Variants in SH3RF2 observed in about 807,000 individuals in gnomAD.
SH3RF2 encodes E3 ubiquitin-protein ligase SH3RF2.
A neutral mutation model predicts 59.0 loss-of-function variants in SH3RF2; 43 were observed. The ratio of observed to expected loss-of-function variants is 0.73; its 90% CI spans 0.57 to 0.94. The LOEUF (loss-of-function observed/expected upper bound fraction) is 0.94, where lower values mean the gene tolerates loss of function less well. Ranked by LOEUF, SH3RF2 falls within the 40% of genes least tolerant of loss-of-function variation. The pLI is 0.00. For missense variants in SH3RF2, 930 were observed against 940.1 expected (o/e 0.99, Z 0.14); for synonymous variants, 391 against 391.5 (o/e 1.00, Z 0.01).
intron 2 of SH3RF2, among the ~76,000 whole-genome samples, chr5:145,998,655 G>A (rs1397791120): frequency 2.0e-5 from 3 of 152,138 alleles, no homozygotes; most frequent in Non-Finnish European, 2.9e-5. Flanking sequence ...GGTGGCTCAC[G>A]CCTGTAATGC....
intron 2 of SH3RF2, among the ~76,000 whole-genome samples, chr5:145,961,316 T>C (rs1034935585): frequency 1.3e-5 from 2 of 152,050 alleles, no homozygotes; most frequent in Non-Finnish European, 2.9e-5. Flanking sequence ...GGTGACTAAT[T>C]AGAATTTTCT....
chr5:145,956,482 GC>G (rs1758411457), intron 2 of SH3RF2, among the ~76,000 whole-genome samples: 1 of 151,994 alleles, frequency 6.6e-6, no homozygotes, highest in African/African-American at 2.4e-5. Context: ...CACCATGTTG[GC>G]CAGGCTGGTC....
At position 145,998,840 on chromosome 5, in the gene SH3RF2, G is replaced by A. The variant is rs142060588; in HGVS notation, c.379-1218G>A. 6.8e-3 allele frequency among the ~76,000 whole-genome samples: 1,041 copies of A among 152,286 alleles called. 15 individuals are homozygous for A. Among genetic ancestry groups the A allele is most frequent in the African/African-American group, 0.024 (1,012 of 41,548 alleles). On this transcript the variant is annotated intron_variant, in intron 2 of 9. Coordinates refer to ENST00000359120, the MANE Select transcript of SH3RF2 (RefSeq NM_152550.4). ...GCAGGAGAATCACTTGAACCCGGGAGGTGGAGGTTGCAGTGAGCTGAGATC... is the reference window on the plus strand; with the variant it reads ...GCAGGAGAATCACTTGAACCCGGGAAGTGGAGGTTGCAGTGAGCTGAGATC...
At chr5:145,970,272 C>A (rs113997436) in intron 2 of SH3RF2, among the ~76,000 whole-genome samples, 1 of 151,932 alleles carries the variant, frequency 6.6e-6, no homozygotes, top group Non-Finnish European at 1.5e-5. Flanking sequence ...TTCACCTCCC[C>A]CTGCCACCCT....
In SH3RF2 at chr5:145,998,043, A is replaced by G. The variant is rs937825839; in HGVS notation, c.379-2015A>G. 2.5e-5 allele frequency: 15 copies of G among 610,246 alleles called. No homozygotes were observed. In the African/African-American group the frequency reaches 2.8e-4, roughly 11 times the overall value. 37.8% of individuals were successfully genotyped at this position (610,246 alleles called of 1,614,324 possible). A position where few individuals can be genotyped will look rare whatever the true frequency, so the allele number is the denominator to read the frequency against. ...ACTGCATAGAGAGACTACATAGAAA[A>G]CTACAAGATGTATGAAGTTGCAAAT... On this transcript the variant is annotated intron_variant, in intron 2 of 9. Transcript: ENST00000359120.
intron 2 of SH3RF2, among the ~76,000 whole-genome samples, chr5:145,965,195 A>C (rs1479065749): frequency 3.3e-5 from 5 of 152,064 alleles, no homozygotes; most frequent in Non-Finnish European, 7.4e-5. Context: ...TCTGTCTCAA[A>C]AAAAAATTAA....
At chr5:146,064,780 G>A (rs1447033431), downstream of SH3RF2, among the ~76,000 whole-genome samples, 564 of 21,362 alleles carry the variant, frequency 0.026, 62 homozygotes, top group African/African-American at 0.08. Context: ...GGAAGGAAAG[G>A]AAGGAAGGAA....
rs182113930 is a variant in SH3RF2 at position 145,954,065 on chromosome 5, A to G, written c.378+15759A>G. 5.4e-4 allele frequency among the ~76,000 whole-genome samples: 82 copies of G among 152,328 alleles called. No homozygotes were observed. In the East Asian group the frequency reaches 0.014, roughly 25 times the overall value. ...GTAGATGCTTTATATTTCTCTGGGT[A>G]TATACCCAGTAATGGGATTACTGAG... On this transcript the variant is annotated intron_variant, in intron 2 of 9. Transcript: ENST00000359120.
At chr5:146,030,747 G>T (rs771274503) in intron 5 of SH3RF2, among the ~76,000 whole-genome samples, 1 of 147,320 alleles carries the variant, frequency 6.8e-6, no homozygotes, top group Admixed American at 6.8e-5. Flanking sequence ...ATGTGATTTT[G>T]AATTTATTGG....
At chr5:146,074,680 G>T (rs1167821616) in intron 9 of SH3RF2, among the ~76,000 whole-genome samples, 1 of 152,106 alleles carries the variant, frequency 6.6e-6, no homozygotes, top group Non-Finnish European at 1.5e-5. Flanking sequence ...TATCATTAGG[G>T]TATAGTTATT....
At chr5:146,004,295 A>G (rs1217229870) in intron 4 of SH3RF2, 142 bp downstream of exon 4, 7 of 514,568 alleles carry the variant, frequency 1.4e-5, no homozygotes, top group Admixed American at 3.7e-5. Context: ...ATGCCAGACA[A>G]TAATACCCAA....
chr5:146,072,539 C>G (rs547594145), intron 9 of SH3RF2, among the ~76,000 whole-genome samples: 3 of 151,994 alleles, frequency 2.0e-5, no homozygotes, highest in African/African-American at 7.3e-5. Flanking sequence ...GACGTGGTGG[C>G]GGGCACCTGT....
At chr5:146,070,400 A>G (rs2962539) in intron 9 of SH3RF2, among the ~76,000 whole-genome samples, 143,610 of 152,222 alleles carry the variant, frequency 0.94, 68,295 homozygotes, top group East Asian at 1. Context: ...AGTAGGGGTG[A>G]GAAGTAAGAT....
At chr5:146,068,393 G>C (rs944902511) in intron 9 of SH3RF2, among the ~76,000 whole-genome samples, 6 of 152,162 alleles carry the variant, frequency 3.9e-5, no homozygotes, top group Non-Finnish European at 7.4e-5. Context: ...GAGCTGGCAC[G>C]GGGCAGTGCC....
intron 2 of SH3RF2, among the ~76,000 whole-genome samples, chr5:145,986,773 C>A (rs1184258181): frequency 6.6e-6 from 1 of 152,144 alleles, no homozygotes; most frequent in African/African-American, 2.4e-5. Context: ...ATGAGATCAC[C>A]TCAAAGAAAT....
intron 5 of SH3RF2, among the ~76,000 whole-genome samples, chr5:146,023,811 T>C (rs1166695316): frequency 1.3e-5 from 2 of 152,226 alleles, no homozygotes; most frequent in African/African-American, 4.8e-5. Flanking sequence ...TCTGTCTTTA[T>C]AGATTTGCCT....
exon 10 of SH3RF2, chr5:146,079,823 G>A (rs556554324): frequency 6.6e-6 from 1 of 152,260 alleles, no homozygotes; most frequent in African/African-American, 2.4e-5. Flanking sequence ...CCAAGTGGTA[G>A]GTGAGAAGGG....
intron 9 of SH3RF2, among the ~76,000 whole-genome samples, chr5:146,072,207 T>A (rs1219475425): frequency 6.6e-6 from 1 of 152,110 alleles, no homozygotes; most frequent in African/African-American, 2.4e-5. Flanking sequence ...TCTTTACTCA[T>A]CAGAAAAGTG....
chr5:146,062,537 C>A lies in SH3RF2; in HGVS notation c.2026C>A (p.Pro676Thr), dbSNP rs780436411. 1.3e-5 allele frequency: 21 copies of A among 1,614,072 alleles called. No homozygotes were observed. In the South Asian group the frequency reaches 2.2e-4, roughly 17 times the overall value. ...EQPATLKASQPEAASLGPEMT... is the reference protein window; with the variant it reads ...EQPATLKASQTEAASLGPEMT... ...GCCAGCCACCCTCAAGGCGTCCCAG[C>A]CTGAAGCAGCGTCCTTGGGCCCAGA... The change falls in exon 10 of 10, where the codon CCT becomes ACT. Residue 676 changes from proline to threonine, a missense_variant. Physicochemically the swap from Pro to Thr is conservative, Grantham distance 38. Coordinates refer to ENST00000359120, the MANE Select transcript of SH3RF2 (RefSeq NM_152550.4).
Sources: gnomAD v4.1 joint callset for allele counts (sites outside exome capture counted in the v4.1 genomes callset) on GRCh38, gnomAD v4.1.1 for gene constraint, MANE v1.5 for transcripts, NCBI Gene and HGNC (gene_info 2026-07-23, HGNC 2026-07-21) for gene names.